TMEM132C: variants seen among roughly 807,000 people sequenced by gnomAD.
TMEM132C encodes the protein protein phosphatase 1, regulatory subunit 152.
In TMEM132C, 29 loss-of-function variants were observed where a neutral mutation model predicts 61.4. That is an observed-to-expected ratio of 0.47 (90% confidence interval 0.35 to 0.64). The LOEUF (loss-of-function observed/expected upper bound fraction) is 0.64, where lower values mean the gene tolerates loss of function less well. Ranked by LOEUF, TMEM132C falls within the 30% of genes least tolerant of loss-of-function variation. The pLI, the probability that TMEM132C is intolerant of heterozygous loss-of-function variation, is 0.00. For synonymous variants in TMEM132C, 656 were observed against 633.1 expected, an observed-to-expected ratio of 1.04 and a Z score of -0.54; for missense variants, 1,408 against 1,476.9, an observed-to-expected ratio of 0.95 and a Z score of 0.76.
intron 1 of TMEM132C, among the ~76,000 whole-genome samples, chr12:128,301,937 A>G (rs987840908): frequency 7.2e-5 from 11 of 152,358 alleles, no homozygotes; most frequent in Admixed American, 2.6e-4. Flanking sequence ...CAAGTGAAAG[A>G]GGAAACCACT....
intron 1 of TMEM132C, among the ~76,000 whole-genome samples, chr12:128,373,305 A>G (rs912621534): frequency 1.3e-5 from 2 of 152,172 alleles, no homozygotes; most frequent in African/African-American, 2.4e-5. Flanking sequence ...CAAGGAAGGA[A>G]AAGCTTTCCA....
chr12:128,479,705 C>T (rs1376024072), intron 2 of TMEM132C, among the ~76,000 whole-genome samples: 2 of 152,156 alleles, frequency 1.3e-5, no homozygotes, highest in African/African-American at 4.8e-5. Flanking sequence ...TGTCTGCTGA[C>T]CCCCAGCCAA....
chr12:128,324,412 A>G (rs1872437787), intron 1 of TMEM132C, among the ~76,000 whole-genome samples: 1 of 152,180 alleles, frequency 6.6e-6, no homozygotes, highest in South Asian at 2.1e-4. Context: ...TCTAGTACTT[A>G]CTTGCTGACT....
intron 2 of TMEM132C, among the ~76,000 whole-genome samples, chr12:128,469,847 T>A (rs1870885369): frequency 6.6e-6 from 1 of 152,024 alleles, no homozygotes; most frequent in African/African-American, 2.4e-5. Context: ...TAAATGTACC[T>A]GTGTGTATAT....
chr12:128,535,130 C>T (rs569552573), intron 2 of TMEM132C, among the ~76,000 whole-genome samples: 3 of 152,324 alleles, frequency 2.0e-5, no homozygotes, highest in African/African-American at 4.8e-5. Flanking sequence ...CCCTCAAGCA[C>T]GTCCTGGCCT....
intron 2 of TMEM132C, among the ~76,000 whole-genome samples, chr12:128,443,149 A>G (rs1593055034): frequency 2.0e-5 from 3 of 152,094 alleles, no homozygotes; most frequent in Admixed American, 2.0e-4. Context: ...ATTGAGAGAG[A>G]GAGAGAGAGA....
In TMEM132C at chr12:128,700,101, C is replaced by T. The variant is rs138079344; in HGVS notation, c.2121+2686C>T. Among the ~76,000 whole-genome samples, 10 of 152,258 alleles carry T rather than the reference C, an allele frequency of 6.6e-5. No individual in the cohort carries two copies. The East Asian group carries it at 1.9e-3, about 29-fold the overall frequency. ...AGGGTGGACGATTGGCATTGCAACC[C>T]CCTTGGCATGGGGTATGGCCGGCCG... On this transcript the variant is annotated intron_variant, in intron 8 of 8. Transcript: ENST00000435159.
At chr12:128,655,238 AGAG>A (rs1252533155) in intron 4 of TMEM132C, among the ~76,000 whole-genome samples, 4 of 152,086 alleles carry the variant, frequency 2.6e-5, no homozygotes, top group Non-Finnish European at 4.4e-5. Flanking sequence ...TCCCCTGATG[AGAG>A]GAGTTGTTAT....
chr12:128,412,864 G>A (rs1293507833), intron 1 of TMEM132C, among the ~76,000 whole-genome samples: 4 of 152,128 alleles, frequency 2.6e-5, no homozygotes, highest in East Asian at 3.8e-4. Flanking sequence ...ATTTTTGAAA[G>A]CACTCCATAT....
In TMEM132C at chr12:128,415,404, G is replaced by A. The variant is rs1024188659; in HGVS notation, c.758G>A (p.Arg253His). 5.2e-5 allele frequency: 81 copies of A among 1,551,194 alleles called. No homozygotes were observed. Among genetic ancestry groups the A allele is most frequent in the East Asian group, 7.3e-5 (3 of 40,892 alleles). The change falls in exon 2 of 9, where the codon CGT becomes CAT. Residue 253 changes from arginine to histidine, a missense_variant. By Grantham distance (29) the Arg-to-His change is conservative. Transcript: ENST00000435159. This position sits in a 1 kb window ranked among gnomAD's most constrained non-coding sequence, Gnocchi z 5.8. ...GACTTCAGGAAGGGCAACGCCATCC[G>A]TCCAGGAAAGGATGGGCTGGAGGAA... ...GGDFRKGNAI[R>H]PGKDGLEETT...
chr12:128,523,573 G>A (rs1247218946), intron 2 of TMEM132C, among the ~76,000 whole-genome samples: 2 of 152,044 alleles, frequency 1.3e-5, no homozygotes, highest in African/African-American at 2.4e-5. Flanking sequence ...CATTTCTCAC[G>A]AACATTCCAC....
intron 3 of TMEM132C, among the ~76,000 whole-genome samples, chr12:128,556,817 G>T (rs1874348059): frequency 1.3e-5 from 2 of 152,114 alleles, no homozygotes; most frequent in South Asian, 4.1e-4. Flanking sequence ...ATGGTGTCCA[G>T]CTGCCCCTGA....
chr12:128,636,217 A>C (rs1166594342), intron 4 of TMEM132C, among the ~76,000 whole-genome samples: 2 of 151,338 alleles, frequency 1.3e-5, no homozygotes, highest in Admixed American at 6.6e-5. Context: ...CCACCAGCTA[A>C]TTTTTTAAAA....
intron 1 of TMEM132C, among the ~76,000 whole-genome samples, chr12:128,402,486 GA>G (rs776124659): frequency 1.3e-5 from 2 of 152,084 alleles, no homozygotes; most frequent in African/African-American, 2.4e-5. Flanking sequence ...TATATAAAAA[GA>G]AAAAATACAT....
At chr12:128,268,875 T>A (rs1354316439) in intron 1 of TMEM132C, among the ~76,000 whole-genome samples, 1 of 71,386 alleles carries the variant, frequency 1.4e-5, no homozygotes, top group African/African-American at 5.6e-5. Flanking sequence ...GGGAGGAGGG[T>A]GGGGTGAGAG....
At chr12:128,380,147 C>G (rs1286808179) in intron 1 of TMEM132C, among the ~76,000 whole-genome samples, 2 of 152,248 alleles carry the variant, frequency 1.3e-5, no homozygotes, top group Non-Finnish European at 2.9e-5. Context: ...AACATGCACT[C>G]CTGTCCTTAT....
At chr12:128,357,770 A>G (rs1196272292) in intron 1 of TMEM132C, among the ~76,000 whole-genome samples, 1 of 151,252 alleles carries the variant, frequency 6.6e-6, no homozygotes, top group Non-Finnish European at 1.5e-5. Flanking sequence ...GGGTAAGGCC[A>G]GTGCAGTCCT....
chr12:128,625,527 G>A (rs150861854), intron 4 of TMEM132C, among the ~76,000 whole-genome samples: 2 of 152,312 alleles, frequency 1.3e-5, no homozygotes, highest in African/African-American at 4.8e-5. Flanking sequence ...ATGGTGGAAG[G>A]CAAGGAGGAG....
intron 3 of TMEM132C, among the ~76,000 whole-genome samples, chr12:128,589,253 A>T (rs1364488761): frequency 2.0e-5 from 3 of 150,764 alleles, no homozygotes; most frequent in Non-Finnish European, 2.9e-5. Flanking sequence ...AGGCCCCTCC[A>T]CCAGCCACCC....
Sources: gnomAD v4.1 joint callset for allele counts (sites outside exome capture counted in the v4.1 genomes callset) on GRCh38, gnomAD v4.1.1 for gene constraint, Gnocchi (gnomAD v3.1) non-coding constraint, MANE v1.5 for transcripts, NCBI Gene and HGNC (gene_info 2026-07-23, HGNC 2026-07-21) for gene names.